DCUN1D5: variants seen among roughly 807,000 people sequenced by gnomAD.
DCUN1D5 encodes the protein DCN1-like protein 5.
DCUN1D5 carries 10 observed loss-of-function variants against 38.3 expected under a neutral mutation model. The observed-to-expected ratio is 0.26, with a 90% CI of 0.16 to 0.44. The LOEUF is 0.44. DCUN1D5 is among the 20% of genes least tolerant of loss of function. The pLI is 1.00. For missense variants in DCUN1D5, 148 were observed against 275.3 expected, an observed-to-expected ratio of 0.54 and a Z score of 3.27; for synonymous variants, 93 against 90.9, an observed-to-expected ratio of 1.02 and a Z score of -0.13.
At position 103,091,769 on chromosome 11, in the gene DCUN1D5, G is replaced by A; in HGVS notation, c.86+18C>T. The A allele has an allele frequency of 6.2e-7, 1 of 1,614,076 alleles. No individual in the cohort carries two copies. The highest frequency in any genetic ancestry group is 8.5e-7 in the Non-Finnish European group (1 of 1,179,920). ...AAGGAGGGAGGAGGGAAGCTTGAAG[G>A]GTGGGGGGAGATGGTACCTGGAGAT... On this transcript the variant is annotated intron_variant, in intron 1 of 7. Coordinates refer to ENST00000260247, the MANE Select transcript of DCUN1D5 (RefSeq NM_032299.4). The surrounding 1 kb of genome is among the most constrained non-coding windows in gnomAD (Gnocchi z 4.3).
At position 103,082,811 on chromosome 11, in the gene DCUN1D5, A is replaced by T; in HGVS notation, c.278T>A (p.Leu93Ter). The T allele has an allele frequency of 6.2e-7, 1 of 1,613,080 alleles. No individual in the cohort carries two copies. The highest frequency in any genetic ancestry group is 8.5e-7 in the Non-Finnish European group (1 of 1,179,316). Residue 93 changes from leucine (L) to a stop codon, truncating the protein, a stop_gained, in exon 4 of 8, where the codon TTG becomes TAG. Transcript: ENST00000260247. LOFTEE classifies it high-confidence loss of function. Reference protein sequence around the residue: ...NIIMLVLAWKLEAESMGFFTK... With the variant: ...NIIMLVLAWK ...AAAAAATCCCATGCTTTCAGCCTCC[A>T]ATTTCCACGCTAAAACTAACATAAT...
rs186781253 is a variant in DCUN1D5 at position 103,056,922 on chromosome 11, G to A, written c.*5437C>T. ...TGTGGATAGGGCCTATTTGAACTTC[G>A]TAACAATACTGGTAGGTATCATTAT... is the stretch of plus-strand genomic sequence containing the variant. On this transcript the variant is annotated 3_prime_UTR_variant, in exon 8 of 8. Transcript: ENST00000260247. This position sits in a 1 kb window ranked among gnomAD's most constrained non-coding sequence, Gnocchi z 4.9. Among the ~76,000 whole-genome samples the A allele has an allele frequency of 1.2e-3, 179 of 152,124 alleles. No homozygotes were observed. Among genetic ancestry groups the A allele is most frequent in the African/African-American group, 4.1e-3 (171 of 41,496 alleles).
intron 4 of DCUN1D5, among the ~76,000 whole-genome samples, chr11:103,068,586 G>C (rs1565286503): frequency 6.6e-6 from 1 of 152,118 alleles, no homozygotes; most frequent in Non-Finnish European, 1.5e-5. Flanking sequence ...GCTAATGCTG[G>C]AAAACCAAAT....
In DCUN1D5 at chr11:103,066,222, A is replaced by T. The variant is rs1282689668; in HGVS notation, c.555+47T>A. ...TGTTCCTCAAAAGTATAACTTTCAG[A>T]TTAAGTTTTAAAATAATATTTTCAA... On this transcript the variant is annotated intron_variant, in intron 6 of 7. Coordinates refer to ENST00000260247, the MANE Select transcript of DCUN1D5 (RefSeq NM_032299.4). The surrounding 1 kb of genome is among the most constrained non-coding windows in gnomAD (Gnocchi z 4.7). 8.1e-7 allele frequency: 1 copy of T among 1,234,668 alleles called. No homozygotes were observed. The highest frequency in any genetic ancestry group is 1.1e-6 in the Non-Finnish European group (1 of 883,118). The allele number at this position is 1,234,668 out of a possible 1,614,324, so 76.5% of individuals were successfully genotyped here.
intron 1 of DCUN1D5, among the ~76,000 whole-genome samples, chr11:103,090,283 T>C (rs551346416): frequency 4.6e-5 from 7 of 152,310 alleles, no homozygotes; most frequent in African/African-American, 1.7e-4. Context: ...CTGTATCTTA[T>C]AAAAATGTGA....
In DCUN1D5 at chr11:103,078,396, C is replaced by T. The variant is rs1219056851; in HGVS notation, c.341+4352G>A. Among the ~76,000 whole-genome samples the T allele has an allele frequency of 1.3e-5, 2 of 152,198 alleles. No homozygotes were observed. The highest frequency in any genetic ancestry group is 2.9e-5 in the Non-Finnish European group (2 of 68,036). ...GACGAAGGAAGAGAAATTCCATAAC[C>T]TCCTGAGAGCACATCAAATTTTTGT... On this transcript the variant is annotated intron_variant, in intron 4 of 7. Transcript: ENST00000260247. The surrounding 1 kb of genome is among the most constrained non-coding windows in gnomAD (Gnocchi z 4.6).
intron 2 of DCUN1D5, among the ~76,000 whole-genome samples, chr11:103,088,638 G>A (rs1043110733): frequency 6.6e-6 from 1 of 152,180 alleles, no homozygotes; most frequent in Non-Finnish European, 1.5e-5. Context: ...AACTCTCACA[G>A]TGTATCTTCT....
intron 4 of DCUN1D5, among the ~76,000 whole-genome samples, chr11:103,080,984 G>A (rs1862548551): frequency 6.6e-6 from 1 of 151,788 alleles, no homozygotes; most frequent in South Asian, 2.1e-4. Flanking sequence ...ACTGTAGCCT[G>A]GCGACAAAGC....
chr11:103,071,807 G>A lies in DCUN1D5; in HGVS notation c.342-5240C>T, dbSNP rs1043244688. ...TAAACTTTCAAAAAAGAAACTCCAG[G>A]AACAGATGGTTTCACTACAGAATTA... On this transcript the variant is annotated intron_variant, in intron 4 of 7. Coordinates refer to ENST00000260247, the MANE Select transcript of DCUN1D5 (RefSeq NM_032299.4). This position sits in a 1 kb window ranked among gnomAD's most constrained non-coding sequence, Gnocchi z 4.1. 1.3e-4 allele frequency among the ~76,000 whole-genome samples: 19 copies of A among 150,844 alleles called. No homozygotes were observed. The highest frequency in any genetic ancestry group is 4.6e-4 in the African/African-American group (19 of 41,356).
chr11:103,074,047 C>T (rs1350531986), intron 4 of DCUN1D5, among the ~76,000 whole-genome samples: 2 of 152,122 alleles, frequency 1.3e-5, no homozygotes, highest in Non-Finnish European at 2.9e-5. Flanking sequence ...GCAGTGCAAA[C>T]TGTGAGTGAG....
intron 4 of DCUN1D5, 151 bp downstream of exon 4, chr11:103,082,597 A>G: frequency 1.6e-6 from 1 of 616,242 alleles, no homozygotes; most frequent in Non-Finnish European, 2.8e-6. Context: ...CCAAGACCAC[A>G]ATATAATTTT....
At chr11:103,090,250 T>C (rs868533570) in intron 1 of DCUN1D5, among the ~76,000 whole-genome samples, 67 of 152,198 alleles carry the variant, frequency 4.4e-4, no homozygotes, top group South Asian at 4.1e-4. Context: ...CATGATATAG[T>C]ACAAAAATGA....
At position 103,077,327 on chromosome 11, in the gene DCUN1D5, A is replaced by G. The variant is rs1862435134; in HGVS notation, c.341+5421T>C. ...AACAGCAATACAATTTTTATATCGAATCTAGCTCCAAAATACTAACATCAA... is the reference window on the plus strand; with the variant it reads ...AACAGCAATACAATTTTTATATCGAGTCTAGCTCCAAAATACTAACATCAA... On this transcript the variant is annotated intron_variant, in intron 4 of 7. Coordinates refer to ENST00000260247, the MANE Select transcript of DCUN1D5 (RefSeq NM_032299.4). This position sits in a 1 kb window ranked among gnomAD's most constrained non-coding sequence, Gnocchi z 4.3. Among the ~76,000 whole-genome samples, 2 of 152,214 alleles carry G rather than the reference A, an allele frequency of 1.3e-5. No individual in the cohort carries two copies. The highest frequency in any genetic ancestry group is 4.1e-4 in the South Asian group (2 of 4,826).
rs1289279582 is a variant in DCUN1D5 at position 103,071,996 on chromosome 11, C to T, written c.342-5429G>A. ...AGCCACATAATTTTATCATTTAATACAGAAAAAGCACTTTAAAAATTTAAC... is the reference window on the plus strand; with the variant it reads ...AGCCACATAATTTTATCATTTAATATAGAAAAAGCACTTTAAAAATTTAAC... On this transcript the variant is annotated intron_variant, in intron 4 of 7. Transcript: ENST00000260247. This position sits in a 1 kb window ranked among gnomAD's most constrained non-coding sequence, Gnocchi z 4.1. Among the ~76,000 whole-genome samples, 1 of 149,812 alleles carries T rather than the reference C, an allele frequency of 6.7e-6. No homozygotes were observed. The highest frequency in any genetic ancestry group is 6.6e-5 in the Admixed American group (1 of 15,044).
At chr11:103,067,833 C>G (rs1862170024) in intron 4 of DCUN1D5, among the ~76,000 whole-genome samples, 1 of 152,046 alleles carries the variant, frequency 6.6e-6, no homozygotes. Flanking sequence ...AAGTTTCATT[C>G]TTACTCTCCT....
rs757036313 is a variant in DCUN1D5 at position 103,057,887 on chromosome 11, T to A, written c.*4472A>T. Reference sequence around the variant, plus strand: ...CATACTTAAAACCAAACCCATGAAGTATGTGGAAAAAATTCATTAATATCT... The same window carrying A: ...CATACTTAAAACCAAACCCATGAAGAATGTGGAAAAAATTCATTAATATCT... On this transcript the variant is annotated 3_prime_UTR_variant, in exon 8 of 8. Coordinates refer to ENST00000260247, the MANE Select transcript of DCUN1D5 (RefSeq NM_032299.4). This position sits in a 1 kb window ranked among gnomAD's most constrained non-coding sequence, Gnocchi z 4.8. Among the ~76,000 whole-genome samples the A allele has an allele frequency of 6.6e-6, 1 of 152,112 alleles. No individual in the cohort carries two copies. Among genetic ancestry groups the A allele is most frequent in the African/African-American group, 2.4e-5 (1 of 41,418 alleles).
intron 4 of DCUN1D5, among the ~76,000 whole-genome samples, chr11:103,069,933 T>TA (rs1444599992): frequency 6.6e-6 from 1 of 152,114 alleles, no homozygotes; most frequent in African/African-American, 2.4e-5. Flanking sequence ...GGTTTCAATT[T>TA]AAAAAATCAC....
At chr11:103,088,855 A>G (rs577774422) in intron 2 of DCUN1D5, among the ~76,000 whole-genome samples, 1 of 152,346 alleles carries the variant, frequency 6.6e-6, no homozygotes, top group East Asian at 1.9e-4. Context: ...AGAATATTGA[A>G]TAGAAATGTT....
In DCUN1D5 at chr11:103,084,526, GT is replaced by G. The variant is rs149143519; in HGVS notation, c.179-1201del. ...GCACTCGTGTTAAAAGGTGAAGGGG[GT>G]GATTAATTATAGGGCACTTTCTCTT... On this transcript the variant is annotated intron_variant, in intron 2 of 7. Coordinates refer to ENST00000260247, the MANE Select transcript of DCUN1D5 (RefSeq NM_032299.4). Among the ~76,000 whole-genome samples the G allele has an allele frequency of 7.2e-3, 1,099 of 152,256 alleles. 12 individuals carry two copies. Among genetic ancestry groups the G allele is most frequent in the African/African-American group, 0.025 (1,042 of 41,530 alleles).
Sources: allele counts gnomAD v4.1 joint callset (sites outside exome capture counted in the v4.1 genomes callset), GRCh38; gene constraint gnomAD v4.1.1; non-coding constraint Gnocchi (gnomAD v3.1); transcripts MANE v1.5; gene names NCBI Gene and HGNC (gene_info 2026-07-23, HGNC 2026-07-21).